The following ZFHX3 variants were observed in gnomAD, a reference collection of about 807,000 sequenced individuals.
The protein encoded by ZFHX3 is zinc finger homeobox 3.
ZFHX3 carries 42 observed loss-of-function variants against 279.1 expected under a neutral mutation model. The ratio of observed to expected loss-of-function variants is 0.15; its 90% CI spans 0.12 to 0.19. ZFHX3 has a LOEUF of 0.19. ZFHX3 is among the 10% of genes least tolerant of loss of function. ZFHX3 has a pLI of 1.00. For missense variants in ZFHX3, 4,981 were observed against 4,754.0 expected, an observed-to-expected ratio of 1.05 and a Z score of -1.40; for synonymous variants, 2,293 against 1,957.8, an observed-to-expected ratio of 1.17 and a Z score of -4.52.
Position 73,225,210 on chromosome 16 carries a change from G to T in ZFHX3, c.-1104+31837C>A, listed in dbSNP as rs1184713069. Among the ~76,000 whole-genome samples the T allele has an allele frequency of 2.6e-5, 4 of 152,144 alleles. No individual in the cohort carries two copies. In the East Asian group the frequency reaches 7.7e-4, roughly 29 times the overall value. ...ACACTTGGAGAGGTACTAGTTTAAAGAATCCTTTTTTTGGGACAAATACGG... is the reference window on the plus strand; with the variant it reads ...ACACTTGGAGAGGTACTAGTTTAAATAATCCTTTTTTTGGGACAAATACGG... On this transcript the variant is annotated intron_variant, in intron 5 of 17. Coordinates refer to the ZFHX3 transcript ENST00000641206.
intron 4 of ZFHX3, among the ~76,000 whole-genome samples, chr16:73,258,674 A>G (rs1216367233): frequency 6.6e-6 from 1 of 152,188 alleles, no homozygotes; most frequent in African/African-American, 2.4e-5. Flanking sequence ...AGCATTTGGA[A>G]AAGTACAGAG....
At chr16:73,029,711 G>A (rs1241487059) in intron 1 of ZFHX3, among the ~76,000 whole-genome samples, 2 of 152,192 alleles carry the variant, frequency 1.3e-5, no homozygotes, top group Admixed American at 6.5e-5. Flanking sequence ...CAGGGAACTC[G>A]ATCAGCCCCA....
chr16:72,852,827 C>T (rs1418207598), intron 4 of ZFHX3, among the ~76,000 whole-genome samples: 1 of 152,176 alleles, frequency 6.6e-6, no homozygotes, highest in South Asian at 2.1e-4. Flanking sequence ...AGCTTAGAAG[C>T]TTTCTCTTTG....
intron 2 of ZFHX3, among the ~76,000 whole-genome samples, chr16:73,651,007 G>A (rs2052665264): frequency 6.6e-6 from 1 of 152,064 alleles, no homozygotes; most frequent in Non-Finnish European, 1.5e-5. Context: ...TTATCAAGGT[G>A]TAATAAACAA....
chr16:73,311,499 AG>A (rs2015324531), intron 4 of ZFHX3, among the ~76,000 whole-genome samples: 1 of 150,236 alleles, frequency 6.7e-6, no homozygotes, highest in Admixed American at 6.7e-5. Context: ...CTGAGGCACG[AG>A]AATCATTTAA....
intron 3 of ZFHX3, among the ~76,000 whole-genome samples, chr16:73,445,299 T>C (rs933146251): frequency 9.7e-6 from 1 of 103,336 alleles, no homozygotes; most frequent in Non-Finnish European, 2.2e-5. Flanking sequence ...TATATGTATA[T>C]GTATGTGTGT....
chr16:73,471,172 C>T (rs1567493771), intron 2 of ZFHX3, among the ~76,000 whole-genome samples: 1 of 152,132 alleles, frequency 6.6e-6, no homozygotes, highest in Non-Finnish European at 1.5e-5. Flanking sequence ...TTAATGGTGC[C>T]GTGTAGGAAT....
chr16:73,475,311 A>G (rs1244830191), intron 2 of ZFHX3, among the ~76,000 whole-genome samples: 1 of 152,236 alleles, frequency 6.6e-6, no homozygotes, highest in Non-Finnish European at 1.5e-5. Context: ...AATTCCTTCT[A>G]CCAAATAAAT....
At chr16:73,107,525 G>T (rs899827041) in intron 7 of ZFHX3, among the ~76,000 whole-genome samples, 1 of 152,066 alleles carries the variant, frequency 6.6e-6, no homozygotes, top group African/African-American at 2.4e-5. Context: ...CTCTACTGGG[G>T]CATCTGCTTT....
rs144896102 is a variant in ZFHX3 at position 73,512,901 on chromosome 16, T to C, written c.-1546-56643A>G. Among the ~76,000 whole-genome samples, 22 of 152,304 alleles carry C rather than the reference T, an allele frequency of 1.4e-4. 1 individual carries two copies. The East Asian group carries it at 3.9e-3, about 27-fold the overall frequency. ...TTCACTAAGTCAATAAGGACCACAC[T>C]AGTGAAGCAGGCAGGCACTAACATC... On this transcript the variant is annotated intron_variant, in intron 2 of 17. Coordinates refer to the ZFHX3 transcript ENST00000641206.
At chr16:73,254,814 CATAA>C (rs2013615835) in intron 5 of ZFHX3, among the ~76,000 whole-genome samples, 1 of 152,084 alleles carries the variant, frequency 6.6e-6, no homozygotes, top group African/African-American at 2.4e-5. Flanking sequence ...TTGTAAGACA[CATAA>C]ATAAAGCTGC....
At chr16:73,884,553 T>G (rs1323006399) in intron 1 of ZFHX3, among the ~76,000 whole-genome samples, 1 of 152,206 alleles carries the variant, frequency 6.6e-6, no homozygotes, top group Non-Finnish European at 1.5e-5. Flanking sequence ...TCAAAAGCAC[T>G]TTGTTCATTC....
chr16:73,386,640 T>C (rs2016907569), intron 3 of ZFHX3, among the ~76,000 whole-genome samples: 1 of 152,100 alleles, frequency 6.6e-6, no homozygotes, highest in Admixed American at 6.5e-5. Context: ...GACAGACCTA[T>C]TGCTAGGTTT....
intron 3 of ZFHX3, among the ~76,000 whole-genome samples, chr16:72,925,923 T>G (rs1287230948): frequency 6.6e-6 from 1 of 152,194 alleles, no homozygotes; most frequent in African/African-American, 2.4e-5. Flanking sequence ...CATGTCAGTT[T>G]CTTGAAAGGG....
At chr16:73,537,567 C>T (rs914993037) in intron 2 of ZFHX3, among the ~76,000 whole-genome samples, 7 of 152,238 alleles carry the variant, frequency 4.6e-5, no homozygotes, top group South Asian at 2.1e-4. Flanking sequence ...TCACCCGCCT[C>T]GGCCTCCCAA....
At chr16:72,848,924 G>GAGC (rs1555523651) in intron 4 of ZFHX3, among the ~76,000 whole-genome samples, 2 of 152,106 alleles carry the variant, frequency 1.3e-5, no homozygotes, top group African/African-American at 2.4e-5. Flanking sequence ...GGCAGGCAGA[G>GAGC]CGCCGGGCTG....
chr16:72,810,232 C>T (rs1414647941), intron 7 of ZFHX3, among the ~76,000 whole-genome samples: 1 of 151,132 alleles, frequency 6.6e-6, no homozygotes, highest in Non-Finnish European at 1.5e-5. Context: ...GTCACCCAGG[C>T]TGGAGTGCAG....
rs1441159410 is a variant in ZFHX3, at chr16:73,735,906, T to TG, written c.-1607-55667_-1607-55666insC. Among the ~76,000 whole-genome samples, 1,279 of 149,982 alleles carry TG rather than the reference T, an allele frequency of 8.5e-3. 31 individuals carry two copies. Among genetic ancestry groups the TG allele is most frequent in the African/African-American group, 0.03 (1,207 of 40,384 alleles). On this transcript the variant is annotated intron_variant, in intron 1 of 17. Coordinates refer to the ZFHX3 transcript ENST00000641206. ...CAGCCATTCCGTTTTTTTTTTTTTT[T>TG]TTTTTTTTTTAATGCTCTGAAGGTT...
chr16:73,096,291 T>G (rs530713502), intron 7 of ZFHX3, among the ~76,000 whole-genome samples: 1 of 151,760 alleles, frequency 6.6e-6, no homozygotes, highest in East Asian at 1.9e-4. Flanking sequence ...TTTCATGGTC[T>G]GGGAGCTCAG....
Sources: allele counts gnomAD v4.1 joint callset (sites outside exome capture counted in the v4.1 genomes callset), GRCh38; gene constraint gnomAD v4.1.1; transcripts MANE v1.5; gene names NCBI Gene and HGNC (gene_info 2026-07-23, HGNC 2026-07-21).